IFT81: variants seen among roughly 807,000 people sequenced by gnomAD.
IFT81 encodes the protein intraflagellar transport 81, also known as intraflagellar transport protein 81 homolog.
A neutral mutation model predicts 102.6 loss-of-function variants in IFT81; 72 were observed. The observed-to-expected ratio is 0.70, with a 90% CI of 0.58 to 0.85. The LOEUF (loss-of-function observed/expected upper bound fraction) is 0.85, where lower values mean the gene tolerates loss of function less well. IFT81 is among the 40% of genes least tolerant of loss of function. The pLI is 0.00. For synonymous variants in IFT81, 237 were observed against 242.7 expected (o/e 0.98, Z 0.22); for missense variants, 723 against 787.3 (o/e 0.92, Z 0.98).
chr12:110,185,031 T>C (rs1897461990), intron 12 of IFT81, among the ~76,000 whole-genome samples: 1 of 152,208 alleles, frequency 6.6e-6, no homozygotes. Flanking sequence ...GAAAGTCTTA[T>C]TAATTGCACT....
chr12:110,156,833 A>G (rs1895867012), intron 10 of IFT81, among the ~76,000 whole-genome samples: 1 of 152,094 alleles, frequency 6.6e-6, no homozygotes, highest in Admixed American at 6.6e-5. Context: ...TGCCAGATAT[A>G]TGATTCTTGG....
chr12:110,127,803 A>T (rs938868918), intron 2 of IFT81, among the ~76,000 whole-genome samples: 1 of 152,206 alleles, frequency 6.6e-6, no homozygotes, highest in African/African-American at 2.4e-5. Context: ...AAGTTAGTTC[A>T]TGTCTCTCAT....
At chr12:110,190,898 C>G (rs1271508451) in intron 12 of IFT81, 22 bp from the exon 13 acceptor site, 1 of 1,479,898 alleles carries the variant, frequency 6.8e-7, no homozygotes, top group Non-Finnish European at 9.0e-7. Flanking sequence ...TGTTTTGTGG[C>G]CTTTTTATTT....
At position 110,163,028 on chromosome 12, in the gene IFT81, G is replaced by A. The variant is rs780259048; in HGVS notation, c.1151G>A (p.Arg384His). 12 of 1,613,906 alleles carry A rather than the reference G, an allele frequency of 7.4e-6. No homozygotes were observed. Among genetic ancestry groups the A allele is most frequent in the East Asian group, 2.2e-5 (1 of 44,862 alleles). Residue 384 changes from arginine (R) to histidine (H), a missense_variant, in exon 11 of 19, where the codon CGT becomes CAT. Transcript: ENST00000242591. ...GCATCAGTAAAGAGAAATCAGACCC[G>A]TGAATTTGATGGTACTGAAGTTTTA... ...REASVKRNQT[R>H]EFDGTEVLKG...
chr12:110,184,168 G>A (rs190178750), intron 12 of IFT81, among the ~76,000 whole-genome samples: 1 of 152,070 alleles, frequency 6.6e-6, no homozygotes, highest in Non-Finnish European at 1.5e-5. Context: ...GGCTAACACG[G>A]TGAAACCCTG....
At chr12:110,131,129 A>T (rs1185117402) in intron 4 of IFT81, among the ~76,000 whole-genome samples, 1 of 151,912 alleles carries the variant, frequency 6.6e-6, no homozygotes, top group Non-Finnish European at 1.5e-5. Flanking sequence ...AAAAGATAAA[A>T]AAATTAGCCC....
intron 6 of IFT81, 98 bp downstream of exon 6, chr12:110,135,111 C>G: frequency 1.1e-6 from 1 of 937,872 alleles, no homozygotes; most frequent in South Asian, 1.5e-5. Flanking sequence ...CATGAGTGTA[C>G]ATCTGAGGAT....
chr12:110,205,438 T>C lies in IFT81; in HGVS notation c.1645-5T>C. The C allele has an allele frequency of 6.3e-7, 1 of 1,584,896 alleles. No homozygotes were observed. Among genetic ancestry groups the C allele is most frequent in the Non-Finnish European group, 8.5e-7 (1 of 1,170,844 alleles). ...ATGTCACCTATCTAAAATTATATAT[T>C]ATAGGAAGTTAGAAGACTCCGTGAA... On this transcript the variant is annotated splice_polypyrimidine_tract_variant and splice_region_variant and intron_variant, in intron 15 of 18. Coordinates refer to ENST00000242591, the MANE Select transcript of IFT81 (RefSeq NM_014055.4).
At chr12:110,131,205 C>A (rs1363069298) in intron 4 of IFT81, among the ~76,000 whole-genome samples, 1 of 151,864 alleles carries the variant, frequency 6.6e-6, no homozygotes, top group East Asian at 1.9e-4. Context: ...TCACCTAAGC[C>A]CAGGGAGGTC....
At chr12:110,211,931 A>G (rs147115054) in intron 18 of IFT81, among the ~76,000 whole-genome samples, 260 of 152,324 alleles carry the variant, frequency 1.7e-3, no homozygotes, top group African/African-American at 5.8e-3. Flanking sequence ...GAAACCTGTA[A>G]ATGATTATAT....
intron 18 of IFT81, among the ~76,000 whole-genome samples, chr12:110,209,868 T>C (rs768983722): frequency 3.3e-5 from 5 of 152,118 alleles, no homozygotes; most frequent in Admixed American, 6.5e-5. Flanking sequence ...TTCTAAGCCC[T>C]AGTCTAAGCG....
At chr12:110,204,981 C>T (rs1868432740) in intron 15 of IFT81, 1 of 154,908 alleles carries the variant, frequency 6.5e-6, no homozygotes, top group Non-Finnish European at 1.4e-5. Context: ...TGCCTGTAAT[C>T]CCAGCACTTT....
intron 10 of IFT81, 131 bp from the exon 11 acceptor site, chr12:110,162,788 G>T: frequency 1.5e-6 from 1 of 681,342 alleles, no homozygotes; most frequent in Non-Finnish European, 2.4e-6. Flanking sequence ...AGGGCAAGGA[G>T]TATTGGTTAA....
intron 10 of IFT81, among the ~76,000 whole-genome samples, chr12:110,153,073 T>A (rs1209897351): frequency 6.6e-6 from 1 of 152,222 alleles, no homozygotes; most frequent in African/African-American, 2.4e-5. Flanking sequence ...ATCCAATAAA[T>A]CATCGCTAAA....
intron 11 of IFT81, among the ~76,000 whole-genome samples, chr12:110,171,500 T>C (rs1206122273): frequency 2.0e-5 from 3 of 152,234 alleles, no homozygotes; most frequent in Admixed American, 6.5e-5. Context: ...GACTGAGCAG[T>C]TAACTAGCCA....
At chr12:110,215,682 G>A (rs1593383831) in intron 18 of IFT81, among the ~76,000 whole-genome samples, 2 of 151,272 alleles carry the variant, frequency 1.3e-5, no homozygotes. Context: ...TTGTTGCCCA[G>A]GCTGGATTCT....
At chr12:110,208,765 G>A (rs1228703644) in intron 17 of IFT81, among the ~76,000 whole-genome samples, 1 of 152,110 alleles carries the variant, frequency 6.6e-6, no homozygotes, top group Non-Finnish European at 1.5e-5. Flanking sequence ...TTTGTAGGAT[G>A]ACTTCCTAGA....
intron 12 of IFT81, among the ~76,000 whole-genome samples, chr12:110,182,904 T>C (rs1001241224): frequency 1.3e-5 from 2 of 152,200 alleles, no homozygotes; most frequent in South Asian, 2.1e-4. Flanking sequence ...CTCATGGTTC[T>C]GAGACCTATG....
Position 110,162,956 on chromosome 12 carries a change from A to G in IFT81, c.1079A>G (p.Glu360Gly), listed in dbSNP as rs1164989684. 3 of 1,613,926 alleles carry G rather than the reference A, an allele frequency of 1.9e-6. No individual in the cohort carries two copies. The highest frequency in any genetic ancestry group is 2.5e-6 in the Non-Finnish European group (3 of 1,179,896). Residue 360 changes from glutamate (E) to glycine (G), a missense_variant, in exon 11 of 19, where the codon GAG becomes GGG. By Grantham distance (98) the Glu-to-Gly change is moderately conservative (BLOSUM62 -2). Coordinates refer to ENST00000242591, the MANE Select transcript of IFT81 (RefSeq NM_014055.4). Reference sequence around the variant, plus strand: ...TCCCGTAAAAAAGAAGCCAAAGCTGAGGAACTTCAGGAGGCCAAGGAGAAG... The same window carrying G: ...TCCCGTAAAAAAGAAGCCAAAGCTGGGGAACTTCAGGAGGCCAAGGAGAAG... Reference protein sequence around the residue: ...IISRKKEAKAEELQEAKEKLA... With the variant: ...IISRKKEAKAGELQEAKEKLA...
Sources: allele counts gnomAD v4.1 joint callset (sites outside exome capture counted in the v4.1 genomes callset), GRCh38; gene constraint gnomAD v4.1.1; transcripts MANE v1.5; gene names NCBI Gene and HGNC (gene_info 2026-07-23, HGNC 2026-07-21).